PCDH9: variants seen among roughly 807,000 people sequenced by gnomAD.
PCDH9 encodes protocadherin-9.
In PCDH9, 24 loss-of-function variants were observed where a neutral mutation model predicts 70.6. That is an observed-to-expected ratio of 0.34 (90% CI 0.25 to 0.48). The LOEUF (loss-of-function observed/expected upper bound fraction) is 0.48. PCDH9 is among the 20% of genes least tolerant of loss of function. PCDH9 has a pLI of 0.99. For synonymous variants in PCDH9, 562 were observed against 558.5 expected (o/e 1.01, Z -0.09); for missense variants, 1,281 against 1,503.6 (o/e 0.85, Z 2.45).
intron 2 of PCDH9, among the ~76,000 whole-genome samples, chr13:67,169,983 C>T (rs961596871): frequency 8.5e-5 from 13 of 152,066 alleles, no homozygotes; most frequent in Non-Finnish European, 1.5e-4. Flanking sequence ...GTAGAGCATC[C>T]GATTATAATC....
chr13:66,584,439 T>C (rs1314159411), intron 4 of PCDH9, among the ~76,000 whole-genome samples: 2 of 152,174 alleles, frequency 1.3e-5, no homozygotes, highest in Non-Finnish European at 2.9e-5. Flanking sequence ...AGGCATTTTA[T>C]TTTGCTTACA....
At chr13:66,636,519 T>C (rs1182262787) in intron 3 of PCDH9, among the ~76,000 whole-genome samples, 2 of 152,096 alleles carry the variant, frequency 1.3e-5, no homozygotes, top group Admixed American at 1.3e-4. Context: ...ATCTAATTAA[T>C]GACAGACATT....
intron 4 of PCDH9, among the ~76,000 whole-genome samples, chr13:66,440,307 T>A (rs2138399194): frequency 6.6e-6 from 1 of 152,234 alleles, no homozygotes; most frequent in South Asian, 2.1e-4. Context: ...AATTTTGAAG[T>A]CACTGCTACT....
intron 4 of PCDH9, among the ~76,000 whole-genome samples, chr13:66,509,637 G>C (rs974183853): frequency 1.3e-5 from 2 of 151,858 alleles, no homozygotes; most frequent in Non-Finnish European, 2.9e-5. Flanking sequence ...TTGTTTGGTA[G>C]AGACAAGGTC....
intron 4 of PCDH9, among the ~76,000 whole-genome samples, chr13:66,578,007 T>C (rs1232275785): frequency 1.3e-5 from 2 of 152,048 alleles, no homozygotes; most frequent in African/African-American, 4.8e-5. Flanking sequence ...AAAATTAATA[T>C]TTGTCTCTAT....
chr13:66,374,450 A>G (rs779889112), intron 4 of PCDH9, among the ~76,000 whole-genome samples: 6 of 152,056 alleles, frequency 3.9e-5, no homozygotes, highest in Non-Finnish European at 7.4e-5. Flanking sequence ...ATTGCAGCCC[A>G]TAGGAAGCCG....
chr13:67,130,711 C>T, intron 2 of PCDH9, among the ~76,000 whole-genome samples: 1 of 152,058 alleles, frequency 6.6e-6, no homozygotes, highest in East Asian at 1.9e-4. Flanking sequence ...AGGGCCAGAA[C>T]TGCCTCATCA....
intron 3 of PCDH9, among the ~76,000 whole-genome samples, chr13:66,872,054 G>T (rs576632026): frequency 1.5e-4 from 23 of 152,050 alleles, no homozygotes; most frequent in Non-Finnish European, 3.2e-4. Context: ...ACTAGACTTT[G>T]AACTCTTATA....
chr13:67,174,444 A>G (rs2088390355), intron 2 of PCDH9, among the ~76,000 whole-genome samples: 1 of 152,142 alleles, frequency 6.6e-6, no homozygotes, highest in African/African-American at 2.4e-5. Flanking sequence ...TATAGATTAT[A>G]AACAGTGTTG....
intron 2 of PCDH9, among the ~76,000 whole-genome samples, chr13:66,985,991 T>G (rs1018068692): frequency 1.3e-5 from 2 of 151,944 alleles, no homozygotes; most frequent in African/African-American, 4.8e-5. Flanking sequence ...AGTGGTGAGG[T>G]GTATTAGTCT....
intron 2 of PCDH9, among the ~76,000 whole-genome samples, chr13:67,109,384 CTAAG>C (rs2086611285): frequency 6.6e-6 from 1 of 152,132 alleles, no homozygotes; most frequent in Non-Finnish European, 1.5e-5. Context: ...ATTCATTTCC[CTAAG>C]TAAGTCAATA....
At chr13:66,631,688 C>G (rs536163649) in intron 3 of PCDH9, among the ~76,000 whole-genome samples, 1 of 152,036 alleles carries the variant, frequency 6.6e-6, no homozygotes, top group South Asian at 2.1e-4. Flanking sequence ...CAAAACAAAA[C>G]TAAACAAAAC....
intron 4 of PCDH9, among the ~76,000 whole-genome samples, chr13:66,533,577 T>A (rs1457537819): frequency 6.6e-6 from 1 of 152,146 alleles, no homozygotes; most frequent in Non-Finnish European, 1.5e-5. Context: ...ATTAGTCAAT[T>A]AATCCTAGGG....
At chr13:67,081,631 A>G (rs910694578) in intron 2 of PCDH9, among the ~76,000 whole-genome samples, 1 of 152,168 alleles carries the variant, frequency 6.6e-6, no homozygotes, top group East Asian at 1.9e-4. Flanking sequence ...TGACCATCTC[A>G]TAGAACAGGA....
At chr13:66,326,790 C>T (rs867991019) in intron 4 of PCDH9, among the ~76,000 whole-genome samples, 2 of 151,794 alleles carry the variant, frequency 1.3e-5, no homozygotes, top group Non-Finnish European at 2.9e-5. Flanking sequence ...GAAATTTTAT[C>T]CAATTTTTAA....
chr13:66,634,492 C>T (rs1471994125), intron 3 of PCDH9, among the ~76,000 whole-genome samples: 1 of 152,124 alleles, frequency 6.6e-6, no homozygotes, highest in Admixed American at 6.6e-5. Flanking sequence ...TCAGGTTGAA[C>T]TGCAGAGCAC....
intron 4 of PCDH9, among the ~76,000 whole-genome samples, chr13:66,424,089 G>A (rs527916434): frequency 6.6e-6 from 1 of 152,154 alleles, no homozygotes; most frequent in South Asian, 2.1e-4. Context: ...GCTACAAAGG[G>A]AATAAAATAT....
chr13:66,815,466 G>T (rs1002091088), intron 3 of PCDH9, among the ~76,000 whole-genome samples: 10 of 152,098 alleles, frequency 6.6e-5, no homozygotes, highest in African/African-American at 2.2e-4. Flanking sequence ...AAAGACACAC[G>T]CACAGGTAGA....
chr13:66,939,941 C>T (rs1008961317), intron 2 of PCDH9, among the ~76,000 whole-genome samples: 7 of 151,924 alleles, frequency 4.6e-5, no homozygotes, highest in African/African-American at 1.7e-4. Context: ...ATGTATAATT[C>T]CTTAACAATG....
Sources: allele counts gnomAD v4.1 joint callset (sites outside exome capture counted in the v4.1 genomes callset), GRCh38; gene constraint gnomAD v4.1.1; transcripts MANE v1.5; gene names NCBI Gene and HGNC (gene_info 2026-07-23, HGNC 2026-07-21).